Variants in DIAPH3 observed in about 807,000 individuals in gnomAD.
DIAPH3 encodes protein diaphanous homolog 3.
DIAPH3 carries 117 observed loss-of-function variants against 144.3 expected under a neutral mutation model. The observed-to-expected ratio is 0.81, with a 90% confidence interval of 0.70 to 0.95. The LOEUF (loss-of-function observed/expected upper bound fraction) is 0.95. DIAPH3 is among the 40% of genes least tolerant of loss of function. DIAPH3 has a pLI of 0.00. For synonymous variants in DIAPH3, 519 were observed against 488.9 expected (o/e 1.06, Z -0.81); for missense variants, 1,421 against 1,412.7 (o/e 1.01, Z -0.09).
intron 5 of DIAPH3, among the ~76,000 whole-genome samples, chr13:60,017,386 A>G (rs2053724350): frequency 6.6e-6 from 1 of 151,702 alleles, no homozygotes; most frequent in South Asian, 2.1e-4. Flanking sequence ...CCTGGGCAAC[A>G]AGAGCAAAAC....
chr13:60,015,059 G>A lies in DIAPH3; in HGVS notation c.771+854C>T, dbSNP rs572143020. Among the ~76,000 whole-genome samples the A allele has an allele frequency of 2.7e-3, 405 of 151,954 alleles. 1 individual carries two copies. The highest frequency in any genetic ancestry group is 0.012 in the South Asian group (60 of 4,814). On this transcript the variant is annotated intron_variant, in intron 7 of 27. Coordinates refer to ENST00000400324, the MANE Select transcript of DIAPH3 (RefSeq NM_001042517.2). ...CTCCCAGGCTGGAGTGCAGTGATTC[G>A]ATCACAGTTCACTATAACCTCAAAC...
At chr13:59,806,889 T>G (rs2040226350) in intron 25 of DIAPH3, among the ~76,000 whole-genome samples, 1 of 151,844 alleles carries the variant, frequency 6.6e-6, no homozygotes, top group African/African-American at 2.4e-5. Context: ...AATGTATCAA[T>G]TTAAAAGTAT....
intron 1 of DIAPH3, among the ~76,000 whole-genome samples, chr13:60,136,482 A>AG (rs1463710786): frequency 6.6e-6 from 1 of 151,802 alleles, no homozygotes; most frequent in East Asian, 1.9e-4. Context: ...CAAAAAAAAA[A>AG]AAAAAAAAAA....
chr13:59,807,032 GA>G (rs1163749368), intron 25 of DIAPH3, among the ~76,000 whole-genome samples: 1 of 151,360 alleles, frequency 6.6e-6, no homozygotes, highest in Non-Finnish European at 1.5e-5. Context: ...ATATAATATG[GA>G]AAAAAGTTGA....
intron 17 of DIAPH3, among the ~76,000 whole-genome samples, chr13:59,925,153 A>G (rs531008891): frequency 3.9e-5 from 6 of 152,286 alleles, no homozygotes; most frequent in Middle Eastern, 3.4e-3. Flanking sequence ...ACCAATGGGT[A>G]TAAGAATAAC....
chr13:59,677,128 G>C (rs1328353978), intron 27 of DIAPH3, among the ~76,000 whole-genome samples: 1 of 151,854 alleles, frequency 6.6e-6, no homozygotes, highest in Non-Finnish European at 1.5e-5. Flanking sequence ...ACAAGTTCTT[G>C]ATAATTTATT....
At chr13:59,876,864 T>C (rs1044403228) in intron 21 of DIAPH3, among the ~76,000 whole-genome samples, 4 of 152,174 alleles carry the variant, frequency 2.6e-5, no homozygotes, top group African/African-American at 4.8e-5. Context: ...CCCCTCACCC[T>C]GTTTTTCTTA....
chr13:59,981,511 CA>C lies in DIAPH3; in HGVS notation c.1481-653del, dbSNP rs1199990424. On this transcript the variant is annotated intron_variant, in intron 13 of 27. Coordinates refer to ENST00000400324, the MANE Select transcript of DIAPH3 (RefSeq NM_001042517.2). The stretch of plus-strand genomic sequence containing the variant: ...CATTAAAATATTTTTTGATGTTAGA[CA>C]AAAAAAAAAAAAACTGAAAATAACT... Among the ~76,000 whole-genome samples, 854 of 91,136 alleles carry C rather than the reference CA, an allele frequency of 9.4e-3. 5 individuals carry two copies. The highest frequency in any genetic ancestry group is 0.028 in the African/African-American group (741 of 26,228). 59.8% of individuals were successfully genotyped at this position (91,136 alleles called of 152,430 possible).
intron 27 of DIAPH3, among the ~76,000 whole-genome samples, chr13:59,710,211 A>G (rs1197169665): frequency 1.3e-5 from 2 of 151,028 alleles, no homozygotes; most frequent in Non-Finnish European, 1.5e-5. Context: ...TAACCTGCAC[A>G]TTGTGCACAT....
chr13:60,054,802 G>C (rs2056493284), intron 4 of DIAPH3, among the ~76,000 whole-genome samples: 1 of 151,872 alleles, frequency 6.6e-6, no homozygotes, highest in African/African-American at 2.4e-5. Flanking sequence ...ATGATTTCAA[G>C]CATCTCTAAT....
intron 17 of DIAPH3, among the ~76,000 whole-genome samples, chr13:59,932,400 T>C (rs1395811527): frequency 6.6e-6 from 1 of 151,978 alleles, no homozygotes; most frequent in East Asian, 1.9e-4. Context: ...AGTATCATTG[T>C]CATCATCATC....
At chr13:59,950,285 TATATTTCACTGCTGATCTTTA>T (rs1274145869) in intron 17 of DIAPH3, among the ~76,000 whole-genome samples, 1 of 152,158 alleles carries the variant, frequency 6.6e-6, no homozygotes, top group Non-Finnish European at 1.5e-5. Flanking sequence ...CACAGAGCAG[TATATTTCACTGCTGATCTTTA>T]GCTCCCAAGC....
chr13:60,052,326 T>C (rs1409691681), intron 4 of DIAPH3, among the ~76,000 whole-genome samples: 1 of 152,082 alleles, frequency 6.6e-6, no homozygotes, highest in African/African-American at 2.4e-5. Context: ...GTAAATCATA[T>C]TTAGAAGTGG....
intron 1 of DIAPH3, among the ~76,000 whole-genome samples, chr13:60,136,220 G>A (rs1034310411): frequency 6.6e-6 from 1 of 152,050 alleles, no homozygotes; most frequent in Admixed American, 6.5e-5. Flanking sequence ...CAAAAATATT[G>A]ATTTTATGGT....
At chr13:59,850,780 AATGGAT>A (rs1456788369) in intron 22 of DIAPH3, among the ~76,000 whole-genome samples, 1 of 150,420 alleles carries the variant, frequency 6.6e-6, no homozygotes, top group African/African-American at 2.5e-5. Context: ...ATCTAGAAGA[AATGGAT>A]ACATTCCTCG....
At chr13:60,086,619 G>A (rs564449007) in intron 4 of DIAPH3, among the ~76,000 whole-genome samples, 19 of 151,484 alleles carry the variant, frequency 1.3e-4, no homozygotes, top group East Asian at 1.9e-4. Flanking sequence ...AAAAATTCAC[G>A]TTAATGTTAA....
At chr13:59,757,396 T>A (rs1055480868) in intron 27 of DIAPH3, among the ~76,000 whole-genome samples, 1 of 79,576 alleles carries the variant, frequency 1.3e-5, no homozygotes, top group Non-Finnish European at 2.7e-5. Flanking sequence ...GTCATCCTTT[T>A]TTTTTTTTTT....
chr13:59,761,659 T>C (rs2037595317), intron 27 of DIAPH3, among the ~76,000 whole-genome samples: 1 of 152,190 alleles, frequency 6.6e-6, no homozygotes, highest in African/African-American at 2.4e-5. Flanking sequence ...TATTGACTCC[T>C]ATCATCCCTA....
intron 17 of DIAPH3, among the ~76,000 whole-genome samples, chr13:59,929,554 CTTTTTT>C (rs1167902415): frequency 1.8e-5 from 1 of 56,090 alleles, no homozygotes; most frequent in East Asian, 6.3e-4. Context: ...AAATTTTGTT[CTTTTTT>C]TTTTTTTTTT....
Sources: gnomAD v4.1 joint callset for allele counts (sites outside exome capture counted in the v4.1 genomes callset) on GRCh38, gnomAD v4.1.1 for gene constraint, MANE v1.5 for transcripts, NCBI Gene and HGNC (gene_info 2026-07-23, HGNC 2026-07-21) for gene names.